Variants in GTF2I observed in about 807,000 individuals in gnomAD.
The protein encoded by GTF2I is general transcription factor II-I.
Under a neutral mutation model 67.6 loss-of-function variants are expected in GTF2I, and 12 were observed. The observed-to-expected ratio is 0.18, with a 90% CI of 0.11 to 0.29. The LOEUF is 0.29. Among genes scored for constraint, GTF2I ranks in the 10% least tolerant of loss-of-function variants. The pLI is 1.00. For synonymous variants in GTF2I, 149 were observed against 197.0 expected, an observed-to-expected ratio of 0.76 and a Z score of 2.04; for missense variants, 271 against 580.1, an observed-to-expected ratio of 0.47 and a Z score of 5.47.
chr7:74,700,120 A>T, intron 4 of GTF2I, 127 bp from the exon 5 acceptor site: 1 of 949,922 alleles, frequency 1.1e-6, no homozygotes, highest in Non-Finnish European at 1.6e-6. Context: ...CTGTAGTATT[A>T]ATTAATTTTG....
At chr7:74,716,623 A>C in intron 10 of GTF2I, 1 of 313,666 alleles carries the variant, frequency 3.2e-6, no homozygotes, top group South Asian at 5.8e-5. Context: ...TAATTTTATC[A>C]TGTAGTTATA....
intron 1 of GTF2I, among the ~76,000 whole-genome samples, chr7:74,681,454 AAAAG>A (rs1301079546): frequency 4.6e-5 from 7 of 150,792 alleles, no homozygotes; most frequent in African/African-American, 1.5e-4. Context: ...AAAAAAGAAA[AAAAG>A]AAAAAAAAAT....
intron 1 of GTF2I, among the ~76,000 whole-genome samples, chr7:74,680,097 A>ATATAT (rs1287173019): frequency 1.8e-4 from 16 of 88,780 alleles, no homozygotes; most frequent in East Asian, 1.2e-3. Flanking sequence ...AAAAAAAAAA[A>ATATAT]AAATATATAT....
intron 1 of GTF2I, among the ~76,000 whole-genome samples, chr7:74,659,767 TC>T (rs1804303395): frequency 6.6e-6 from 1 of 152,136 alleles, no homozygotes; most frequent in South Asian, 2.1e-4. Context: ...GGTCGGGAAC[TC>T]CTGGACTCTG....
At chr7:74,668,411 T>C (rs1187453810) in intron 1 of GTF2I, among the ~76,000 whole-genome samples, 1 of 151,690 alleles carries the variant, frequency 6.6e-6, no homozygotes, top group East Asian at 1.9e-4. Flanking sequence ...TGGAGCATGA[T>C]GAAGAGTTTG....
intron 5 of GTF2I, 24 bp downstream of exon 5, chr7:74,700,454 C>T (rs1020556819): frequency 3.7e-6 from 6 of 1,612,334 alleles, no homozygotes; most frequent in Non-Finnish European, 5.1e-6. Context: ...TCCCTTTGTA[C>T]CCATCAACAG....
intron 1 of GTF2I, chr7:74,684,997 C>G (rs888065748): frequency 1.3e-4 from 20 of 152,148 alleles, no homozygotes; most frequent in African/African-American, 4.3e-4. Context: ...TGGGGTTTAA[C>G]TTTCTGGGGT....
intron 3 of GTF2I, among the ~76,000 whole-genome samples, chr7:74,698,609 G>T (rs1554398994): frequency 6.6e-6 from 1 of 151,752 alleles, no homozygotes; most frequent in Non-Finnish European, 1.5e-5. Flanking sequence ...ATGTGTCCTT[G>T]TTATGTTGCC....
At chr7:74,723,328 CA>C (rs1264807626) in intron 12 of GTF2I, among the ~76,000 whole-genome samples, 1 of 151,502 alleles carries the variant, frequency 6.6e-6, no homozygotes, top group Non-Finnish European at 1.5e-5. Context: ...GGGGTTTCAC[CA>C]TTTTGGCCAG....
chr7:74,723,830 T>C (rs1554405137), intron 12 of GTF2I, among the ~76,000 whole-genome samples: 2 of 149,854 alleles, frequency 1.3e-5, no homozygotes, highest in East Asian at 3.9e-4. Context: ...CTAGGAAACG[T>C]GGTGACTATG....
chr7:74,677,449 TATG>T (rs1196645150), intron 1 of GTF2I, among the ~76,000 whole-genome samples: 1 of 152,124 alleles, frequency 6.6e-6, no homozygotes, highest in Non-Finnish European at 1.5e-5. Flanking sequence ...CATTCAAGAA[TATG>T]ATGATGCCAT....
intron 1 of GTF2I, among the ~76,000 whole-genome samples, chr7:74,671,708 A>G (rs1003274229): frequency 1.3e-5 from 2 of 152,090 alleles, no homozygotes; most frequent in Non-Finnish European, 2.9e-5. Flanking sequence ...CCGGCTGGCC[A>G]TGGTGTCTCA....
chr7:74,710,385 G>A (rs181805128), intron 8 of GTF2I, among the ~76,000 whole-genome samples: 1 of 152,056 alleles, frequency 6.6e-6, no homozygotes, highest in Non-Finnish European at 1.5e-5. Flanking sequence ...GAGTGCAGTG[G>A]CACAATTTTG....
chr7:74,687,348 C>T (rs2131278615), intron 1 of GTF2I, among the ~76,000 whole-genome samples: 1 of 152,220 alleles, frequency 6.6e-6, no homozygotes, highest in Non-Finnish European at 1.5e-5. Flanking sequence ...CCTCAGCCTC[C>T]CAAGTAGCTG....
At chr7:74,725,372 A>G (rs1554405445) in intron 12 of GTF2I, among the ~76,000 whole-genome samples, 1 of 152,146 alleles carries the variant, frequency 6.6e-6, no homozygotes, top group African/African-American at 2.4e-5. Flanking sequence ...AAAATAGAAT[A>G]TATGGTGTGA....
At chr7:74,660,722 A>G (rs1192466235) in intron 1 of GTF2I, among the ~76,000 whole-genome samples, 18 of 150,234 alleles carry the variant, frequency 1.2e-4, no homozygotes, top group Admixed American at 7.4e-4. Flanking sequence ...CCCGGGTTCA[A>G]GCGATTCTCC....
At chr7:74,732,110 CAT>C (rs1794537762) in intron 14 of GTF2I, among the ~76,000 whole-genome samples, 1 of 147,400 alleles carries the variant, frequency 6.8e-6, no homozygotes. Flanking sequence ...CACACATATA[CAT>C]ATATATGTAT....
chr7:74,679,304 G>C (rs1554393385), intron 1 of GTF2I, among the ~76,000 whole-genome samples: 4 of 151,854 alleles, frequency 2.6e-5, no homozygotes, highest in Non-Finnish European at 1.5e-5. Flanking sequence ...TCGAATTCCT[G>C]ACCTCAAGTG....
chr7:74,679,777 C>T (rs1425876425), intron 1 of GTF2I, among the ~76,000 whole-genome samples: 1 of 151,874 alleles, frequency 6.6e-6, no homozygotes, highest in East Asian at 1.9e-4. Flanking sequence ...GATTCTAGTC[C>T]CTTGTTAAAG....
Sources: gnomAD v4.1 joint callset for allele counts (sites outside exome capture counted in the v4.1 genomes callset) on GRCh38, gnomAD v4.1.1 for gene constraint, MANE v1.5 for transcripts, NCBI Gene and HGNC (gene_info 2026-07-23, HGNC 2026-07-21) for gene names.